BST1: variants seen among roughly 807,000 people sequenced by gnomAD.
BST1 encodes the protein bone marrow stromal cell antigen 1.
In BST1, 49 loss-of-function variants were observed where a neutral mutation model predicts 40.6. The observed-to-expected ratio is 1.21, with a 90% CI of 0.96 to 1.53. The LOEUF is 1.53. Ranked by LOEUF, BST1 falls within the 40% of genes most tolerant of loss-of-function variation. The pLI is 0.00. For synonymous variants in BST1, 157 were observed against 159.3 expected (o/e 0.99, Z 0.11); for missense variants, 423 against 395.9 (o/e 1.07, Z -0.58).
chr4:15,707,674 A>T, intron 3 of BST1, 28 bp downstream of exon 3: 1 of 1,611,102 alleles, frequency 6.2e-7, no homozygotes, highest in Non-Finnish European at 8.5e-7. Flanking sequence ...ATCACAGGAG[A>T]CTTAAGAACT....
At position 15,711,927 on chromosome 4, in the gene BST1, T is replaced by A. The variant is rs371463574; in HGVS notation, c.534+38T>A. The A allele has an allele frequency of 3.8e-6, 6 of 1,562,586 alleles. No individual in the cohort carries two copies. The African/African-American group carries it at 8.1e-5, about 21-fold the overall frequency. The stretch of plus-strand genomic sequence containing the variant: ...TGATATCTGAGTGGTTGAGCATGTG[T>A]GGGACCCATAGAGATGGAACATAGT... On this transcript the variant is annotated intron_variant, in intron 4 of 8. Transcript: ENST00000265016.
At chr4:15,762,146 G>C in the BST1 span, among the ~76,000 whole-genome samples, 2 of 130,086 alleles carry the variant, frequency 1.5e-5, no homozygotes, top group Non-Finnish European at 3.1e-5. Context: ...CCGAGATCGC[G>C]CCACTGCACT....
At chr4:15,742,745 C>G (rs1322701964), downstream of BST1, among the ~76,000 whole-genome samples, 1 of 152,226 alleles carries the variant, frequency 6.6e-6, no homozygotes, top group African/African-American at 2.4e-5. Flanking sequence ...GAAGCCAATA[C>G]AGTGTTATCA....
rs377640610 is a variant in BST1 at position 15,715,490 on chromosome 4, A to C, written c.611+129A>C. The C allele has an allele frequency of 1.5e-5, 15 of 982,920 alleles. No individual in the cohort carries two copies. In the African/African-American group the frequency reaches 2.0e-4, roughly 13 times the overall value. The allele number at this position is 982,920 out of a possible 1,614,324, so 60.9% of individuals were successfully genotyped here. ...GTGCTTCTGTAAATTCAGGTAAAGC[A>C]AAACAGATGAATGACCTGGTGATCA... On this transcript the variant is annotated intron_variant, in intron 5 of 8. Transcript: ENST00000265016.
At chr4:15,752,605 C>T in the BST1 span, among the ~76,000 whole-genome samples, 1 of 151,912 alleles carries the variant, frequency 6.6e-6, no homozygotes, top group Non-Finnish European at 1.5e-5. Context: ...TCAGGCTGGT[C>T]TCAAACTCCT....
chr4:15,757,409 A>G, the BST1 span, among the ~76,000 whole-genome samples: 1 of 152,124 alleles, frequency 6.6e-6, no homozygotes, highest in Non-Finnish European at 1.5e-5. Flanking sequence ...TTTGGGCCCA[A>G]GGTCAAATAC....
At chr4:15,751,288 C>T in the BST1 span, among the ~76,000 whole-genome samples, 3 of 152,058 alleles carry the variant, frequency 2.0e-5, no homozygotes, top group African/African-American at 7.2e-5. Context: ...ATAACTTCCC[C>T]TTATAATCCC....
the BST1 span, among the ~76,000 whole-genome samples, chr4:15,759,209 C>G: frequency 6.6e-6 from 1 of 151,948 alleles, no homozygotes; most frequent in Admixed American, 6.5e-5. Flanking sequence ...GAATAACATC[C>G]AGATTATACT....
chr4:15,748,908 C>A, the BST1 span, among the ~76,000 whole-genome samples: 2 of 152,194 alleles, frequency 1.3e-5, no homozygotes, highest in Non-Finnish European at 2.9e-5. Context: ...TAGCTCACTT[C>A]ATGCAAGAGT....
At chr4:15,731,304 A>G in intron 8 of BST1, 1 of 514,414 alleles carries the variant, frequency 1.9e-6, no homozygotes, top group Non-Finnish European at 3.5e-6. Flanking sequence ...CCAAAAATGC[A>G]TCATACTCTT....
Position 15,718,373 on chromosome 4 carries a change from A to G in BST1, c.705-534A>G, listed in dbSNP as rs373680672. ...TATTTTTAAAATCTTGCAGAAATAAATATATTCTAAAAGACTAGACCTATA... is the reference window on the plus strand; with the variant it reads ...TATTTTTAAAATCTTGCAGAAATAAGTATATTCTAAAAGACTAGACCTATA... On this transcript the variant is annotated intron_variant, in intron 6 of 8. Transcript: ENST00000265016. 8.5e-5 allele frequency among the ~76,000 whole-genome samples: 13 copies of G among 152,230 alleles called. No homozygotes were observed. The East Asian group carries it at 1.2e-3, about 14-fold the overall frequency.
chr4:15,740,795 T>C (rs984772165), downstream of BST1, among the ~76,000 whole-genome samples: 1 of 152,106 alleles, frequency 6.6e-6, no homozygotes, highest in Non-Finnish European at 1.5e-5. Flanking sequence ...CGTCTGGAGA[T>C]TCCCAGTGCA....
rs1468892259 is a variant in BST1 at position 15,731,781 on chromosome 4, C to T, written c.893C>T (p.Thr298Ile). 8 of 1,613,726 alleles carry T rather than the reference C, an allele frequency of 5.0e-6. No homozygotes were observed. Among genetic ancestry groups the T allele is most frequent in the Non-Finnish European group, 5.9e-6 (7 of 1,179,864 alleles). The change falls in exon 9 of 9, where the codon ACA (threonine) becomes ATA (isoleucine). Residue 298 changes from threonine (T) to isoleucine (I), a missense_variant. By Grantham distance (89) the Thr-to-Ile change is moderately conservative (BLOSUM62 -1). Transcript: ENST00000265016. Reference protein sequence around the residue: ...ATQRKAPSLYTEQRAGLIIPL... With the variant: ...ATQRKAPSLYIEQRAGLIIPL... ...CAAAGAAAAGCCCCAAGTCTTTATA[C>T]AGAACAAAGGGCGGGTCTTATCATT...
the BST1 span, among the ~76,000 whole-genome samples, chr4:15,764,885 T>TGTGTGTGTGTGTGTGG: frequency 2.6e-5 from 4 of 151,498 alleles, no homozygotes; most frequent in South Asian, 4.2e-4. Context: ...TGTGTGTGTG[T>TGTGTGTGTGTGTGTGG]GTGTGTGTGT....
chr4:15,744,865 CTT>C, the BST1 span, among the ~76,000 whole-genome samples: 1 of 152,118 alleles, frequency 6.6e-6, no homozygotes, highest in Non-Finnish European at 1.5e-5. Flanking sequence ...AAAATTCAGA[CTT>C]ATACAGAACT....
the BST1 span, among the ~76,000 whole-genome samples, chr4:15,757,884 C>T: frequency 4.6e-5 from 7 of 152,142 alleles, no homozygotes; most frequent in Middle Eastern, 3.4e-3. Context: ...TCAGGTGATC[C>T]GCCCTCCTCG....
downstream of BST1, among the ~76,000 whole-genome samples, chr4:15,742,407 C>T (rs1430877974): frequency 3.3e-5 from 5 of 152,200 alleles, no homozygotes; most frequent in African/African-American, 1.2e-4. Context: ...CATGTGATCT[C>T]TTTGCATACT....
the BST1 span, among the ~76,000 whole-genome samples, chr4:15,770,461 T>G: frequency 1.3e-5 from 2 of 152,046 alleles, no homozygotes; most frequent in Non-Finnish European, 2.9e-5. Context: ...TCCCAGAACT[T>G]TGGGAGGCCG....
rs1305755191 is a variant in BST1, at chr4:15,732,536, T to A, written c.*691T>A. The stretch of plus-strand genomic sequence containing the variant: ...TTTCACCATGTTGGCCAGGCTAGTC[T>A]CGAATTCCTGACCTCAGGTGATCCA... On this transcript the variant is annotated 3_prime_UTR_variant, in exon 9 of 9. Transcript: ENST00000265016. 2.0e-5 allele frequency: 3 copies of A among 152,228 alleles called. No homozygotes were observed. Among genetic ancestry groups the A allele is most frequent in the Non-Finnish European group, 4.4e-5 (3 of 68,072 alleles). The allele number at this position is 152,228 out of a possible 1,614,324, so 9.4% of individuals were successfully genotyped here.
Sources: gnomAD v4.1 joint callset for allele counts (sites outside exome capture counted in the v4.1 genomes callset) on GRCh38, gnomAD v4.1.1 for gene constraint, MANE v1.5 for transcripts, NCBI Gene and HGNC (gene_info 2026-07-23, HGNC 2026-07-21) for gene names.